The following ARHGEF33 variants were observed in gnomAD, a reference collection of about 807,000 sequenced individuals.
ARHGEF33 encodes the protein DH and coiled-coil domain-containing protein ENSP00000381780.
Under a neutral mutation model 101.9 loss-of-function variants are expected in ARHGEF33, and 72 were observed. That is an observed-to-expected ratio of 0.71 (90% CI 0.58 to 0.86). The LOEUF is 0.86. ARHGEF33 is among the 40% of genes least tolerant of loss of function. The pLI, the probability that ARHGEF33 is intolerant of heterozygous loss-of-function variation, is 0.00. For missense variants in ARHGEF33, 1,169 were observed against 1,111.3 expected, an observed-to-expected ratio of 1.05 and a Z score of -0.74; for synonymous variants, 499 against 442.5, an observed-to-expected ratio of 1.13 and a Z score of -1.60.
At chr2:38,905,253 T>C (rs1666364614) in intron 2 of ARHGEF33, among the ~76,000 whole-genome samples, 1 of 152,148 alleles carries the variant, frequency 6.6e-6, no homozygotes, top group Admixed American at 6.5e-5. Flanking sequence ...TAAAACTGCA[T>C]AGTGAAAATA....
intron 7 of ARHGEF33, 46 bp from the exon 8 acceptor site, chr2:38,935,729 A>T: frequency 4.6e-6 from 7 of 1,509,924 alleles, no homozygotes; most frequent in Non-Finnish European, 6.3e-6. Context: ...TGCTTAGTCC[A>T]TGTTAGTGGA....
At chr2:38,957,076 G>A (rs571308638) in intron 14 of ARHGEF33, 29 bp downstream of exon 14, 14 of 1,550,810 alleles carry the variant, frequency 9.0e-6, no homozygotes, top group Admixed American at 5.9e-5. Flanking sequence ...GGTCTAGAGG[G>A]TCGAAGACCA....
intron 2 of ARHGEF33, among the ~76,000 whole-genome samples, chr2:38,913,258 G>T (rs1011155250): frequency 3.3e-5 from 5 of 152,158 alleles, no homozygotes; most frequent in African/African-American, 9.7e-5. Flanking sequence ...AAGTTGAAAA[G>T]CTGCGTAGAT....
intron 4 of ARHGEF33, among the ~76,000 whole-genome samples, chr2:38,928,240 G>T (rs1666916671): frequency 6.6e-6 from 1 of 152,088 alleles, no homozygotes; most frequent in East Asian, 1.9e-4. Flanking sequence ...GCATGACCAG[G>T]ACTGACTGCT....
rs535243075 is a variant in ARHGEF33 at position 38,956,778 on chromosome 2, G to T, written c.1222-121G>T. 3.9e-4 allele frequency: 481 copies of T among 1,233,828 alleles called. 8 individuals carry two copies. In the South Asian group the frequency reaches 6.0e-3, roughly 15 times the overall value. The allele number at this position is 1,233,828 out of a possible 1,614,324, so 76.4% of individuals were successfully genotyped here. On this transcript the variant is annotated intron_variant, in intron 13 of 17. Coordinates refer to ENST00000409978, the MANE Select transcript of ARHGEF33 (RefSeq NM_001145451.5). ...TAATTAGATGGGGGTCATGTGTATTGTTCATTGTTTTGATTAAATGGCTAT... is the reference window on the plus strand; with the variant it reads ...TAATTAGATGGGGGTCATGTGTATTTTTCATTGTTTTGATTAAATGGCTAT...
chr2:38,943,505 G>C lies in ARHGEF33; in HGVS notation c.791-396G>C, dbSNP rs923856496. ...GGGCTTCTCTAGTTTCATTTTTCTT[G>C]TTTGCCATGGGGAGGAAGTGAGGAA... On this transcript the variant is annotated intron_variant, in intron 9 of 17. Coordinates refer to ENST00000409978, the MANE Select transcript of ARHGEF33 (RefSeq NM_001145451.5). Among the ~76,000 whole-genome samples, 18 of 150,060 alleles carry C rather than the reference G, an allele frequency of 1.2e-4. 1 individual carries two copies. Among genetic ancestry groups the C allele is most frequent in the East Asian group, 2.0e-4 (1 of 5,034 alleles).
In ARHGEF33 at chr2:38,931,230, C is replaced by T; in HGVS notation, c.484C>T (p.Pro162Ser). Residue 162 changes from proline (P) to serine (S), a missense_variant, in exon 7 of 18, where the codon CCT becomes TCT. Pro to Ser is a moderately conservative substitution (Grantham distance 74). Coordinates refer to ENST00000409978, the MANE Select transcript of ARHGEF33 (RefSeq NM_001145451.5). ...LPSEDFTNLLPSQAYEKAQES... is the reference protein window; with the variant it reads ...LPSEDFTNLLSSQAYEKAQES... Reference sequence around the variant, plus strand: ...AAGCGAAGACTTTACCAACCTTTTGCCTTCTCAGGCCTACGAGAAAGGTAC... The same window carrying T: ...AAGCGAAGACTTTACCAACCTTTTGTCTTCTCAGGCCTACGAGAAAGGTAC... The T allele has an allele frequency of 6.5e-7, 1 of 1,548,444 alleles. No individual in the cohort carries two copies. Among genetic ancestry groups the T allele is most frequent in the Non-Finnish European group, 8.7e-7 (1 of 1,146,120 alleles).
rs141294316 is a variant in ARHGEF33 at position 38,895,228 on chromosome 2, C to T, written c.-158-549C>T. On this transcript the variant is annotated intron_variant, in intron 1 of 17. Transcript: ENST00000409978. ...GATTCAGTGAATTGGCCAAACTGCCCGTACTGCAGCAAAAATTATATAAAT... is the reference window on the plus strand; with the variant it reads ...GATTCAGTGAATTGGCCAAACTGCCTGTACTGCAGCAAAAATTATATAAAT... Among the ~76,000 whole-genome samples the T allele has an allele frequency of 2.0e-4, 30 of 152,272 alleles. 1 individual carries two copies. The East Asian group carries it at 5.6e-3, about 28-fold the overall frequency.
chr2:38,907,188 C>G (rs1337834207), intron 2 of ARHGEF33, among the ~76,000 whole-genome samples: 1 of 152,138 alleles, frequency 6.6e-6, no homozygotes, highest in African/African-American at 2.4e-5. Flanking sequence ...ACCCAGGGAC[C>G]ATCGCTGACC....
chr2:38,958,454 A>T (rs893252940), intron 15 of ARHGEF33, among the ~76,000 whole-genome samples: 4 of 152,216 alleles, frequency 2.6e-5, no homozygotes. Context: ...GCAGTTACAA[A>T]ACTTCATCTT....
intron 2 of ARHGEF33, among the ~76,000 whole-genome samples, chr2:38,898,458 A>G (rs1666167922): frequency 6.6e-6 from 1 of 152,118 alleles, no homozygotes; most frequent in African/African-American, 2.4e-5. Flanking sequence ...TCTTCCAGGC[A>G]CTCCAGATGG....
intron 10 of ARHGEF33, among the ~76,000 whole-genome samples, chr2:38,949,499 C>T (rs1308570210): frequency 6.6e-6 from 1 of 152,096 alleles, no homozygotes; most frequent in Non-Finnish European, 1.5e-5. Flanking sequence ...CTCTCCTCTC[C>T]ACCCCACCCT....
chr2:38,970,513 A>T (rs189543674), intron 17 of ARHGEF33, among the ~76,000 whole-genome samples: 2 of 152,174 alleles, frequency 1.3e-5, no homozygotes, highest in Non-Finnish European at 2.9e-5. Flanking sequence ...TAACTTGAAC[A>T]TTAAAGGGGA....
In ARHGEF33 at chr2:38,966,087, C is replaced by A. The variant is rs1212176423; in HGVS notation, c.2425C>A (p.Pro809Thr). 1 of 1,551,578 alleles carries A rather than the reference C, an allele frequency of 6.4e-7. No homozygotes were observed. Among genetic ancestry groups the A allele is most frequent in the African/African-American group, 1.4e-5 (1 of 73,046 alleles). The change falls in exon 17 of 18, where the codon CCC (proline) becomes ACC (threonine). Residue 809 changes from proline to threonine, a missense_variant. Pro to Thr is a conservative substitution (Grantham distance 38). Coordinates refer to ENST00000409978, the MANE Select transcript of ARHGEF33 (RefSeq NM_001145451.5). The part of the protein sequence containing the change: ...SEQTSFSDQN[P>T]RQDQKGGFRS... ...ACAAACATCTTTCAGCGATCAAAATCCCAGGCAAGACCAGAAGGGGGGCTT... is the reference window on the plus strand; with the variant it reads ...ACAAACATCTTTCAGCGATCAAAATACCAGGCAAGACCAGAAGGGGGGCTT...
chr2:38,963,693 T>C (rs182369067), intron 16 of ARHGEF33, among the ~76,000 whole-genome samples: 1 of 152,318 alleles, frequency 6.6e-6, no homozygotes, highest in African/African-American at 2.4e-5. Flanking sequence ...TCTCAAAATA[T>C]GGGGGTATTA....
At chr2:38,910,064 A>G (rs1158123743) in intron 2 of ARHGEF33, among the ~76,000 whole-genome samples, 2 of 152,158 alleles carry the variant, frequency 1.3e-5, no homozygotes, top group East Asian at 1.9e-4. Flanking sequence ...TATTCTATCT[A>G]TAGCATAGAC....
At chr2:38,969,308 A>T (rs937581320) in intron 17 of ARHGEF33, 1 of 167,144 alleles carries the variant, frequency 6.0e-6, no homozygotes, top group African/African-American at 2.4e-5. Context: ...AGTGCCAGCA[A>T]AGCCACTTGT....
At chr2:38,935,094 T>C (rs1667100113) in intron 7 of ARHGEF33, among the ~76,000 whole-genome samples, 1 of 151,546 alleles carries the variant, frequency 6.6e-6, no homozygotes, top group African/African-American at 2.4e-5. Context: ...GGGGCAGATA[T>C]TCCAGGGCTG....
At chr2:38,892,344 T>C (rs981725112) in intron 1 of ARHGEF33, among the ~76,000 whole-genome samples, 2 of 152,206 alleles carry the variant, frequency 1.3e-5, no homozygotes, top group Admixed American at 1.3e-4. Flanking sequence ...CTCCTCCTCG[T>C]AATTTTCACT....
Sources: allele counts gnomAD v4.1 joint callset (sites outside exome capture counted in the v4.1 genomes callset), GRCh38; gene constraint gnomAD v4.1.1; transcripts MANE v1.5; gene names NCBI Gene and HGNC (gene_info 2026-07-23, HGNC 2026-07-21).